TUBGCP6: variants seen among roughly 807,000 people sequenced by gnomAD.
TUBGCP6 encodes the protein gamma-tubulin complex component 6.
A neutral mutation model predicts 175.8 loss-of-function variants in TUBGCP6; 161 were observed. The ratio of observed to expected loss-of-function variants is 0.92; its 90% CI spans 0.81 to 1.04. The LOEUF (loss-of-function observed/expected upper bound fraction) is 1.04, where lower values mean the gene tolerates loss of function less well. Among genes scored for constraint, TUBGCP6 ranks in the 50% least tolerant of loss-of-function variants. TUBGCP6 has a pLI of 0.00. For synonymous variants in TUBGCP6, 1,173 were observed against 1,030.5 expected (o/e 1.14, Z -2.65); for missense variants, 2,572 against 2,433.0 (o/e 1.06, Z -1.20).
intron 3 of TUBGCP6, among the ~76,000 whole-genome samples, chr22:50,230,032 A>G (rs899442797): frequency 7.2e-5 from 11 of 152,284 alleles, no homozygotes; most frequent in African/African-American, 2.6e-4. Flanking sequence ...ATGACAACCA[A>G]AACGAATGGG....
At position 50,224,226 on chromosome 22, in the gene TUBGCP6, C is replaced by T. The variant is rs1157310018; in HGVS notation, c.2185G>A (p.Asp729Asn). 1 of 1,614,172 alleles carries T rather than the reference C, an allele frequency of 6.2e-7. No homozygotes were observed. Among genetic ancestry groups the T allele is most frequent in the East Asian group, 2.2e-5 (1 of 44,892 alleles). ...RRQAARQEEL[D>N]DDFSYARELR... ...TCACGGGCGTAGCTGAAGTCATCATCCAGCTCCTCCTGCCTGGCCGCCTGG... is the reference window on the plus strand; with the variant it reads ...TCACGGGCGTAGCTGAAGTCATCATTCAGCTCCTCCTGCCTGGCCGCCTGG... Residue 729 changes from aspartate to asparagine, a missense_variant, in exon 13 of 25, where the codon GAT (aspartate) becomes AAT (asparagine). Transcript: ENST00000248846.
At chr22:50,226,212 G>A in intron 8 of TUBGCP6, 23 bp from the exon 9 acceptor site, 1 of 1,614,074 alleles carries the variant, frequency 6.2e-7, no homozygotes, top group Admixed American at 1.7e-5. Context: ...GAACACCACG[G>A]TGGCCGGCAT....
rs141156818 is a variant in TUBGCP6, at chr22:50,218,958, C to T, written c.4627-61G>A. The stretch of plus-strand genomic sequence containing the variant: ...CAAGCACATGCCTGGCACTCGCCGG[C>T]ACCCCATGGGGCTGTGCCAGAGCAG... On this transcript the variant is annotated intron_variant, in intron 20 of 24. Transcript: ENST00000248846. 6.9e-6 allele frequency: 11 copies of T among 1,585,508 alleles called. No individual in the cohort carries two copies. The African/African-American group carries it at 9.4e-5, about 14-fold the overall frequency.
At position 50,243,847 on chromosome 22, in the gene TUBGCP6, TGTCACCACAAGG is replaced by T; in HGVS notation, c.601_612del (p.Pro201_Asp204del). 6.2e-7 allele frequency: 1 copy of T among 1,613,758 alleles called. No homozygotes were observed. The highest frequency in any genetic ancestry group is 8.5e-7 in the Non-Finnish European group (1 of 1,179,996). On this transcript the variant is annotated inframe_deletion, in exon 1 of 25. Coordinates refer to ENST00000248846, the MANE Select transcript of TUBGCP6 (RefSeq NM_020461.4). ...GAGACCCGGGTGTCTCTCTCGAACC[TGTCACCACAAGG>T]GTCACCAAATGAGAAGAGCCCGACG... is the stretch of plus-strand genomic sequence containing the variant.
chr22:50,228,616 C>T (rs1418654045), intron 4 of TUBGCP6, among the ~76,000 whole-genome samples: 3 of 152,102 alleles, frequency 2.0e-5, no homozygotes, highest in Admixed American at 6.5e-5. Context: ...CAGTCCAGCC[C>T]TTCTCAGCGT....
chr22:50,226,218 G>T (rs762944125), intron 8 of TUBGCP6, 29 bp from the exon 9 acceptor site: 4 of 1,614,020 alleles, frequency 2.5e-6, no homozygotes, highest in African/African-American at 2.7e-5. Context: ...CACGGTGGCC[G>T]GCATGGCCAT....
chr22:50,242,095 A>ATCC (rs1476404328), intron 1 of TUBGCP6, among the ~76,000 whole-genome samples: 1 of 151,748 alleles, frequency 6.6e-6, no homozygotes. Flanking sequence ...GATAGAGACC[A>ATCC]TCCTGGCTAA....
chr22:50,229,060 T>C (rs954992193), intron 4 of TUBGCP6, among the ~76,000 whole-genome samples: 2 of 152,136 alleles, frequency 1.3e-5, no homozygotes, highest in East Asian at 1.9e-4. Context: ...GGCCCTGCGC[T>C]GTCAGTCATC....
At position 50,224,483 on chromosome 22, in the gene TUBGCP6, G is replaced by T. The variant is rs762661159; in HGVS notation, c.2065+28C>A. 5 of 1,614,170 alleles carry T rather than the reference G, an allele frequency of 3.1e-6. No individual in the cohort carries two copies. In the East Asian group the frequency reaches 8.9e-5, roughly 29 times the overall value. On this transcript the variant is annotated intron_variant, in intron 11 of 24. Coordinates refer to ENST00000248846, the MANE Select transcript of TUBGCP6 (RefSeq NM_020461.4). ...GGCCCCAGCAAGGCCCCCCGGAACT[G>T]CAGAAGGGAGGACTTGGGGCCACTC...
At chr22:50,225,708 G>C in intron 10 of TUBGCP6, 86 bp downstream of exon 10, 2 of 1,506,700 alleles carry the variant, frequency 1.3e-6, no homozygotes, top group East Asian at 2.4e-5. Context: ...ATCTTGCACA[G>C]CCCTCATGTC....
intron 3 of TUBGCP6, among the ~76,000 whole-genome samples, chr22:50,232,058 A>G (rs1318050486): frequency 1.3e-5 from 2 of 151,554 alleles, no homozygotes; most frequent in African/African-American, 4.9e-5. Flanking sequence ...CCATCTCTTC[A>G]GGCATTTTAA....
chr22:50,220,921 C>T lies in TUBGCP6; in HGVS notation c.3438G>A (p.Glu1146=), dbSNP rs370549746. 1.2e-6 allele frequency: 2 copies of T among 1,609,334 alleles called. No homozygotes were observed. The highest frequency in any genetic ancestry group is 1.7e-6 in the Non-Finnish European group (2 of 1,177,684). Residue 1146 remains glutamate, a synonymous_variant, in exon 16 of 25, where the codon GAG becomes GAA. Coordinates refer to ENST00000248846, the MANE Select transcript of TUBGCP6 (RefSeq NM_020461.4). ...GGGTGGGAGCCACGTCCGACACGTT[C>T]TCCCCAACCCTGATGCTGGCGTTGG... ...HVSNASIRVG[E]NVSDVAPTRP...
At chr22:50,239,245 C>T (rs1464740564) in intron 2 of TUBGCP6, among the ~76,000 whole-genome samples, 2 of 152,188 alleles carry the variant, frequency 1.3e-5, no homozygotes, top group South Asian at 2.1e-4. Flanking sequence ...GGTGCAATCT[C>T]GGCTCACTGC....
intron 7 of TUBGCP6, among the ~76,000 whole-genome samples, 174 bp from the exon 8 acceptor site, chr22:50,226,552 AG>A (rs1316555713): frequency 1.0e-4 from 1 of 9,548 alleles, no homozygotes; most frequent in Non-Finnish European, 2.0e-4. Flanking sequence ...GAGTGGGGGC[AG>A]GGTGGGGGGT....
chr22:50,224,651 A>T lies in TUBGCP6; in HGVS notation c.1984-59T>A. Reference sequence around the variant, plus strand: ...GCCGGGCGCAGTGGCTCACGCCTGTAATCCTGGCACTTTGGGAGGCCGAGG... The same window carrying T: ...GCCGGGCGCAGTGGCTCACGCCTGTTATCCTGGCACTTTGGGAGGCCGAGG... On this transcript the variant is annotated intron_variant, in intron 10 of 24. Coordinates refer to ENST00000248846, the MANE Select transcript of TUBGCP6 (RefSeq NM_020461.4). 1.9e-6 allele frequency: 3 copies of T among 1,574,488 alleles called. No homozygotes were observed. The Admixed American group carries it at 5.0e-5, about 26-fold the overall frequency.
At position 50,244,313 on chromosome 22, in the gene TUBGCP6, A is replaced by T; in HGVS notation, c.147T>A (p.Leu49=). The change falls in exon 1 of 25, where the codon CTT becomes CTA. Residue 49 remains leucine, a synonymous_variant. Coordinates refer to ENST00000248846, the MANE Select transcript of TUBGCP6 (RefSeq NM_020461.4). ...KVAYNALFTN[L]FQDETQQLQP... Reference sequence around the variant, plus strand: ...GCAGCTGTTGAGTCTCATCTTGAAAAAGATTTGTGAAAAGAGCATTGTAGG... The same window carrying T: ...GCAGCTGTTGAGTCTCATCTTGAAATAGATTTGTGAAAAGAGCATTGTAGG... The T allele has an allele frequency of 6.2e-6, 10 of 1,613,632 alleles. No homozygotes were observed. The highest frequency in any genetic ancestry group is 8.5e-6 in the Non-Finnish European group (10 of 1,180,034).
chr22:50,218,101 T>A lies in TUBGCP6; in HGVS notation c.5185A>T (p.Lys1729Ter), dbSNP rs750127957. 1 of 1,612,582 alleles carries A rather than the reference T, an allele frequency of 6.2e-7. No individual in the cohort carries two copies. Among genetic ancestry groups the A allele is most frequent in the Non-Finnish European group, 8.5e-7 (1 of 1,179,680 alleles). The change falls in exon 24 of 25, where the codon AAG (lysine) becomes TAG (stop). Residue 1729 changes from lysine to a stop codon, truncating the protein, a stop_gained. Transcript: ENST00000248846. LOFTEE classifies it high-confidence loss of function. The stretch of plus-strand genomic sequence containing the variant: ...ATGACGTTCATGACGGGCGCCGCCT[T>A]CTCCGTGAGCAGGCCCCTGGGGGGA... The part of the protein sequence containing the change: ...KAVFRGLLTE[K>*]AAPVMNVIHS...
chr22:50,230,944 A>C (rs6010212), intron 3 of TUBGCP6, among the ~76,000 whole-genome samples: 1 of 148,686 alleles, frequency 6.7e-6, no homozygotes. Flanking sequence ...TAGCTGGGCG[A>C]GGTAGTGCAC....
Position 50,217,953 on chromosome 22 carries a change from T to G in TUBGCP6, c.5333A>C (p.Asn1778Thr), listed in dbSNP as rs770565223. Residue 1778 changes from asparagine (N) to threonine (T), a missense_variant, in exon 24 of 25, where the codon AAC becomes ACC. Transcript: ENST00000248846. ...AAAGTGGGAGTAGTACTTGAAGGTG[T>G]TGTAGGACTGCTGCATGAGTGCAAA... ...PNFALMQQSYNTFKYYSHFLF... is the reference protein window; with the variant it reads ...PNFALMQQSYTTFKYYSHFLF... The G allele has an allele frequency of 3.3e-5, 53 of 1,610,054 alleles. No individual in the cohort carries two copies. The highest frequency in any genetic ancestry group is 4.2e-5 in the Non-Finnish European group (49 of 1,178,316).
Sources: gnomAD v4.1 joint callset for allele counts (sites outside exome capture counted in the v4.1 genomes callset) on GRCh38, gnomAD v4.1.1 for gene constraint, MANE v1.5 for transcripts, NCBI Gene and HGNC (gene_info 2026-07-23, HGNC 2026-07-21) for gene names.